The following ATXN8OS variants were observed in gnomAD, a reference collection of about 807,000 sequenced individuals.
ATXN8OS encodes the protein ATXN8 opposite strand (non-protein coding).
At chr13:70,159,107 G>C (rs191165395) in intron 4 of ATXN8OS, among the ~76,000 whole-genome samples, 15 of 149,744 alleles carry the variant, frequency 1.0e-4, no homozygotes, top group Admixed American at 9.4e-4. Flanking sequence ...TAATACTATA[G>C]TTCAACGTAT....
intron 1 of ATXN8OS, chr13:70,108,118 G>A (rs962569744): frequency 8.8e-5 from 36 of 407,504 alleles, no homozygotes; most frequent in African/African-American, 7.0e-4. Context: ...ACTGGGATGC[G>A]CTTGTGGCAG....
At chr13:70,109,950 A>G (rs1314622104) in intron 1 of ATXN8OS, among the ~76,000 whole-genome samples, 1 of 152,218 alleles carries the variant, frequency 6.6e-6, no homozygotes, top group Non-Finnish European at 1.5e-5. Context: ...ATAAAATAAC[A>G]TAAGTCAAGT....
intron 4 of ATXN8OS, among the ~76,000 whole-genome samples, chr13:70,161,729 C>T (rs1032409333): frequency 6.6e-6 from 1 of 150,884 alleles, no homozygotes; most frequent in Non-Finnish European, 1.5e-5. Context: ...GAATACCCAA[C>T]ATCTTGTAGT....
chr13:70,165,002 T>C (rs1472240991), intron 4 of ATXN8OS, among the ~76,000 whole-genome samples: 1 of 151,950 alleles, frequency 6.6e-6, no homozygotes, highest in African/African-American at 2.4e-5. Context: ...AAGGTAAACA[T>C]TCTGATAAAA....
intron 4 of ATXN8OS, among the ~76,000 whole-genome samples, chr13:70,169,151 T>A (rs1889113762): frequency 6.6e-6 from 1 of 152,178 alleles, no homozygotes; most frequent in South Asian, 2.1e-4. Flanking sequence ...AATGGCTTGT[T>A]ACATAATTAA....
chr13:70,136,593 G>A (rs1888618824), intron 3 of ATXN8OS, among the ~76,000 whole-genome samples: 1 of 151,904 alleles, frequency 6.6e-6, no homozygotes, highest in Admixed American at 6.6e-5. Flanking sequence ...TCGTATTCAG[G>A]AAATCATCAA....
chr13:70,131,661 A>T, intron 3 of ATXN8OS: 1 of 395,904 alleles, frequency 2.5e-6, no homozygotes, highest in Non-Finnish European at 4.4e-6. Flanking sequence ...TCATGGAGAC[A>T]TTCTCTGGCC....
At chr13:70,154,954 C>T (rs35962230) in intron 4 of ATXN8OS, among the ~76,000 whole-genome samples, 85 of 152,288 alleles carry the variant, frequency 5.6e-4, no homozygotes, top group Admixed American at 1.3e-3. Flanking sequence ...CTGTCTTTGT[C>T]TTGCCTCTGT....
At chr13:70,120,366 G>A (rs1164531582) in intron 2 of ATXN8OS, among the ~76,000 whole-genome samples, 4 of 152,122 alleles carry the variant, frequency 2.6e-5, no homozygotes, top group Non-Finnish European at 5.9e-5. Context: ...TTAAGTTAGT[G>A]ATTTAACTAA....
chr13:70,112,920 A>ATATATATTTTTTT (rs1555298511), intron 1 of ATXN8OS, among the ~76,000 whole-genome samples: 1 of 87,590 alleles, frequency 1.1e-5, no homozygotes, highest in Non-Finnish European at 2.2e-5. Flanking sequence ...TATATATATA[A>ATATATATTTTTTT]TTTTTTTTTT....
intron 3 of ATXN8OS, among the ~76,000 whole-genome samples, chr13:70,134,050 T>G (rs569333752): frequency 1.3e-5 from 2 of 152,316 alleles, no homozygotes; most frequent in East Asian, 1.9e-4. Context: ...TTTTTATTTT[T>G]TATTTTTTGT....
At chr13:70,170,541 CA>C (rs1231088947) in exon 5 of ATXN8OS, among the ~76,000 whole-genome samples, 1 of 152,066 alleles carries the variant, frequency 6.6e-6, no homozygotes, top group African/African-American at 2.4e-5. Context: ...CAAAGTTTTA[CA>C]TTGGCTTTTA....
At chr13:70,136,163 C>T (rs1361650075) in intron 3 of ATXN8OS, among the ~76,000 whole-genome samples, 1 of 152,096 alleles carries the variant, frequency 6.6e-6, no homozygotes, top group East Asian at 1.9e-4. Context: ...CTGTGATTGG[C>T]TGAAGCTCAG....
intron 2 of ATXN8OS, among the ~76,000 whole-genome samples, chr13:70,118,925 G>A (rs9317879): frequency 0.72 from 108,839 of 151,390 alleles, 39,398 homozygotes; most frequent in South Asian, 0.85. Context: ...ACTTTTATAC[G>A]AGCATTGCAA....
intron 3 of ATXN8OS, among the ~76,000 whole-genome samples, chr13:70,144,515 C>A (rs1351486560): frequency 6.6e-6 from 1 of 151,902 alleles, no homozygotes; most frequent in East Asian, 1.9e-4. Context: ...CCACTGAATT[C>A]AATCAATGTT....
At chr13:70,167,358 T>C (rs1410258347) in intron 4 of ATXN8OS, among the ~76,000 whole-genome samples, 2 of 151,968 alleles carry the variant, frequency 1.3e-5, no homozygotes, top group African/African-American at 4.8e-5. Flanking sequence ...ATGTCCTTTG[T>C]AGGGACATGG....
intron 4 of ATXN8OS, among the ~76,000 whole-genome samples, chr13:70,153,014 CTGTGTGTGTGTGTGTG>C (rs66574752): frequency 2.8e-5 from 4 of 141,806 alleles, no homozygotes; most frequent in South Asian, 2.3e-4. Flanking sequence ...TAAGAAAAAA[CTGTGTGTGTGTGTGTG>C]TGTGTGTGTG....
intron 3 of ATXN8OS, among the ~76,000 whole-genome samples, chr13:70,141,418 GT>G (rs1368182382): frequency 1.3e-5 from 2 of 152,188 alleles, no homozygotes; most frequent in East Asian, 3.9e-4. Context: ...CATAATGAAA[GT>G]ATTTATAACT....
At chr13:70,141,667 T>C (rs1222267006) in intron 3 of ATXN8OS, among the ~76,000 whole-genome samples, 1 of 152,048 alleles carries the variant, frequency 6.6e-6, no homozygotes. Context: ...TGTTGTTTTG[T>C]TACTTTTTGC....
Sources: gnomAD v4.1 joint callset for allele counts (sites outside exome capture counted in the v4.1 genomes callset) on GRCh38, gnomAD v4.1.1 for gene constraint, MANE v1.5 for transcripts, NCBI Gene and HGNC (gene_info 2026-07-23, HGNC 2026-07-21) for gene names.